Variants in PLB1 observed in about 807,000 individuals in gnomAD.
PLB1 encodes phospholipase B1.
PLB1 carries 242 observed loss-of-function variants against 227.4 expected under a neutral mutation model. That is an observed-to-expected ratio of 1.06 (90% confidence interval 0.96 to 1.18). The LOEUF (loss-of-function observed/expected upper bound fraction) is 1.18. Among genes scored for constraint, PLB1 ranks in the 50% most tolerant of loss-of-function variants. The probability of loss-of-function intolerance (pLI) is 0.00; values close to 1 mark genes in which losing one functional copy is unlikely to be tolerated. For missense variants in PLB1, 1,858 were observed against 1,816.3 expected (o/e 1.02, Z -0.42); for synonymous variants, 757 against 682.2 (o/e 1.11, Z -1.71).
At position 28,544,068 on chromosome 2, in the gene PLB1, G is replaced by A. The variant is rs114149860; in HGVS notation, c.936+800G>A. On this transcript the variant is annotated intron_variant, in intron 14 of 57. Coordinates refer to ENST00000327757, the MANE Select transcript of PLB1 (RefSeq NM_153021.5). ...TTCATTTTTCTTCTTTTGTGGATCC[G>A]TCTCCACAACTGACATACTGTGTTG... Among the ~76,000 whole-genome samples, 1,170 of 152,278 alleles carry A rather than the reference G, an allele frequency of 7.7e-3. 17 individuals carry two copies. The highest frequency in any genetic ancestry group is 0.027 in the African/African-American group (1,114 of 41,548).
At chr2:28,517,392 C>T (rs1304867467) in intron 2 of PLB1, among the ~76,000 whole-genome samples, 1 of 152,158 alleles carries the variant, frequency 6.6e-6, no homozygotes, top group East Asian at 1.9e-4. Flanking sequence ...CTTCCCAGAG[C>T]CTTCCATGGT....
chr2:28,642,627 G>A (rs368456678), intron 57 of PLB1, among the ~76,000 whole-genome samples: 24 of 152,288 alleles, frequency 1.6e-4, no homozygotes, highest in Admixed American at 3.9e-4. Flanking sequence ...CCAAGGAAAC[G>A]CTGGTGAGAA....
At position 28,577,848 on chromosome 2, in the gene PLB1, C is replaced by T. The variant is rs75226140; in HGVS notation, c.1434-259C>T. 8.3e-3 allele frequency among the ~76,000 whole-genome samples: 1,264 copies of T among 152,226 alleles called. 23 individuals carry two copies. Among genetic ancestry groups the T allele is most frequent in the African/African-American group, 0.029 (1,197 of 41,520 alleles). On this transcript the variant is annotated intron_variant, in intron 21 of 57. Transcript: ENST00000327757. ...GAGAAAGACTCCATCTCAGGGGAAA[C>T]AAAAAGGAAAATAGTCACACTGAGA...
At chr2:28,583,111 A>G (rs556564092) in intron 25 of PLB1, among the ~76,000 whole-genome samples, 4 of 152,244 alleles carry the variant, frequency 2.6e-5, no homozygotes, top group African/African-American at 4.8e-5. Context: ...AGCCAGACAG[A>G]GCTGGCTTCC....
At chr2:28,615,600 G>A (rs1366514518) in intron 44 of PLB1, among the ~76,000 whole-genome samples, 2 of 152,238 alleles carry the variant, frequency 1.3e-5, no homozygotes, top group African/African-American at 2.4e-5. Context: ...TCAGGCTCAC[G>A]TTAGCCCAGT....
intron 26 of PLB1, among the ~76,000 whole-genome samples, chr2:28,586,093 T>C (rs1389739939): frequency 6.6e-6 from 1 of 152,208 alleles, no homozygotes; most frequent in Non-Finnish European, 1.5e-5. Context: ...GAAACGAACG[T>C]TTCCACTTGT....
Position 28,532,193 on chromosome 2 carries a change from A to AG in PLB1, c.555+1dup. On this transcript the variant is annotated frameshift_variant and splice_region_variant, in exon 9 of 58. Coordinates refer to ENST00000327757, the MANE Select transcript of PLB1 (RefSeq NM_153021.5). LOFTEE classifies it high-confidence loss of function. ...TGTTACCTGTGCCCCTCTGCTCAAC[A>AG]GGTAAATGGCAGCCTTGGGGACCAA... The AG allele has an allele frequency of 5.0e-6, 8 of 1,609,430 alleles. No individual in the cohort carries two copies. Among genetic ancestry groups the AG allele is most frequent in the Non-Finnish European group, 6.8e-6 (8 of 1,176,946 alleles).
chr2:28,642,514 T>C (rs540839808), intron 57 of PLB1, among the ~76,000 whole-genome samples: 1 of 152,298 alleles, frequency 6.6e-6, no homozygotes, highest in East Asian at 1.9e-4. Flanking sequence ...ATGGGGACAG[T>C]TGTGACCACG....
rs146620184 is a variant in PLB1, at chr2:28,587,991, G to A, written c.1816-1459G>A. 7.0e-4 allele frequency among the ~76,000 whole-genome samples: 107 copies of A among 152,258 alleles called. 1 individual carries two copies. Among genetic ancestry groups the A allele is most frequent in the South Asian group, 3.7e-3 (18 of 4,820 alleles). On this transcript the variant is annotated intron_variant, in intron 26 of 57. Coordinates refer to ENST00000327757, the MANE Select transcript of PLB1 (RefSeq NM_153021.5). ...GATGTTCCCAGGGCTGATCCTGGTC[G>A]TCACTGAGGCCCTGATCTAGTGTTT...
intron 57 of PLB1, 140 bp downstream of exon 57, chr2:28,641,141 T>G: frequency 1.3e-6 from 1 of 765,206 alleles, no homozygotes; most frequent in Non-Finnish European, 2.1e-6. Context: ...AAATCCCACC[T>G]GTCCCCAGTG....
At chr2:28,576,729 C>CA (rs890513322) in intron 21 of PLB1, among the ~76,000 whole-genome samples, 11 of 151,436 alleles carry the variant, frequency 7.3e-5, no homozygotes, top group Admixed American at 1.3e-4. Flanking sequence ...GACTCAGTCT[C>CA]AAAAAAAAGA....
chr2:28,604,853 G>A, intron 41 of PLB1, 94 bp downstream of exon 41: 2 of 1,135,076 alleles, frequency 1.8e-6, no homozygotes, highest in Non-Finnish European at 2.6e-6. Flanking sequence ...CATAAAATGG[G>A]AAAGACACAG....
At chr2:28,584,137 C>G (rs1455607656) in intron 25 of PLB1, among the ~76,000 whole-genome samples, 2 of 152,212 alleles carry the variant, frequency 1.3e-5, no homozygotes, top group African/African-American at 2.4e-5. Context: ...GCCTCCCTCC[C>G]CCACAGCCTG....
At chr2:28,549,244 C>G (rs962355687) in intron 15 of PLB1, among the ~76,000 whole-genome samples, 2 of 152,090 alleles carry the variant, frequency 1.3e-5, no homozygotes, top group Non-Finnish European at 2.9e-5. Flanking sequence ...AGACCTTCCT[C>G]TACCTCAGAG....
intron 35 of PLB1, among the ~76,000 whole-genome samples, chr2:28,600,344 A>G (rs1249986434): frequency 6.6e-6 from 1 of 152,236 alleles, no homozygotes; most frequent in African/African-American, 2.4e-5. Flanking sequence ...GGAGGAAATA[A>G]AGAGGAAGCC....
At chr2:28,590,993 G>T in intron 29 of PLB1, 140 bp from the exon 30 acceptor site, 2 of 1,013,992 alleles carry the variant, frequency 2.0e-6, no homozygotes, top group Non-Finnish European at 3.1e-6. Flanking sequence ...TTGGGAGGGA[G>T]TCAGCCTGGT....
rs114238908 is a variant in PLB1 at position 28,579,677 on chromosome 2, C to T, written c.1536C>T (p.Gly512=). The change falls in exon 23 of 58, where the codon GGC becomes GGT. Residue 512 remains glycine, a synonymous_variant. Transcript: ENST00000327757. ...DWKIITLFIG[G]NDLCDFCNDL... is the part of the protein sequence containing the mutation. Reference sequence around the variant, plus strand: ...AGATAATAACCCTGTTTATAGGCGGCAATGACCTCTGTGATTTCTGCAATG... The same window carrying T: ...AGATAATAACCCTGTTTATAGGCGGTAATGACCTCTGTGATTTCTGCAATG... 8,157 of 1,613,138 alleles carry T rather than the reference C, an allele frequency of 5.1e-3. 27 individuals are homozygous for T. Among genetic ancestry groups the T allele is most frequent in the Non-Finnish European group, 6.2e-3 (7,354 of 1,179,228 alleles).
intron 43 of PLB1, among the ~76,000 whole-genome samples, chr2:28,612,944 G>A (rs980908554): frequency 1.3e-5 from 2 of 150,164 alleles, no homozygotes; most frequent in Non-Finnish European, 3.0e-5. Context: ...TATTGAAACA[G>A]AGTCTCACTC....
rs1299712628 is a variant in PLB1, at chr2:28,630,597, C to T, written c.3830C>T (p.Thr1277Ile). ...TCCCTGTCTCACAGGAACAACTGCA[C>T]TTGCCTCAGACACTCGCAAAGCTCC... ...CAMLAAQNNC[T>I]CLRHSQSSLE... Residue 1277 changes from threonine (T) to isoleucine (I), a missense_variant, in exon 54 of 58, where the codon ACT (threonine) becomes ATT (isoleucine). Transcript: ENST00000327757. The T allele has an allele frequency of 1.1e-5, 17 of 1,613,608 alleles. No individual in the cohort carries two copies. The highest frequency in any genetic ancestry group is 1.4e-5 in the Non-Finnish European group (16 of 1,179,780).
Sources: gnomAD v4.1 joint callset for allele counts (sites outside exome capture counted in the v4.1 genomes callset) on GRCh38, gnomAD v4.1.1 for gene constraint, MANE v1.5 for transcripts, NCBI Gene and HGNC (gene_info 2026-07-23, HGNC 2026-07-21) for gene names.